Variants in AGBL1 observed in about 807,000 individuals in gnomAD.
AGBL1 encodes cytosolic carboxypeptidase 4.
Under a neutral mutation model 118.9 loss-of-function variants are expected in AGBL1, and 130 were observed. That is an observed-to-expected ratio of 1.09 (90% CI 0.95 to 1.26). AGBL1 has a LOEUF of 1.26. AGBL1 is among the 50% of genes most tolerant of loss of function. AGBL1 has a pLI of 0.00. For missense variants in AGBL1, 1,584 were observed against 1,298.1 expected, an observed-to-expected ratio of 1.22 and a Z score of -3.38; for synonymous variants, 555 against 478.9, an observed-to-expected ratio of 1.16 and a Z score of -2.08.
At chr15:86,451,619 T>A (rs1249009920) in intron 18 of AGBL1, among the ~76,000 whole-genome samples, 1 of 152,194 alleles carries the variant, frequency 6.6e-6, no homozygotes, top group Non-Finnish European at 1.5e-5. Context: ...GAAAACCCAG[T>A]TGCTGCTACC....
intron 1 of AGBL1, among the ~76,000 whole-genome samples, chr15:86,126,394 G>A (rs1269100596): frequency 3.3e-5 from 5 of 152,180 alleles, no homozygotes; most frequent in African/African-American, 1.2e-4. Flanking sequence ...TCTGAAGCAG[G>A]TGCAGTGTCC....
intron 21 of AGBL1, among the ~76,000 whole-genome samples, chr15:86,633,376 A>C (rs2085010132): frequency 6.6e-6 from 1 of 152,260 alleles, no homozygotes; most frequent in East Asian, 1.9e-4. Context: ...CCTGCTGCTA[A>C]GTTAAAAAAA....
intron 22 of AGBL1, among the ~76,000 whole-genome samples, chr15:86,807,318 AT>A (rs2078730137): frequency 6.6e-6 from 1 of 152,032 alleles, no homozygotes; most frequent in African/African-American, 2.4e-5. Flanking sequence ...TACAAATATT[AT>A]TTTTGTGGGT....
chr15:86,252,786 G>A (rs193204663), intron 7 of AGBL1, among the ~76,000 whole-genome samples: 6 of 152,298 alleles, frequency 3.9e-5, no homozygotes, highest in Middle Eastern at 3.4e-3. Context: ...CAACTAGGAC[G>A]TTTTGGAGGG....
At chr15:86,830,036 G>C (rs2079082684) in intron 22 of AGBL1, among the ~76,000 whole-genome samples, 1 of 151,940 alleles carries the variant, frequency 6.6e-6, no homozygotes, top group African/African-American at 2.4e-5. Context: ...TTACCACCAG[G>C]TATGATTCTT....
At chr15:86,091,059 G>C (rs1480957260) in intron 1 of AGBL1, among the ~76,000 whole-genome samples, 3 of 152,146 alleles carry the variant, frequency 2.0e-5, no homozygotes, top group Admixed American at 6.5e-5. Flanking sequence ...GGCCAAAGTT[G>C]ATTTTGGGTA....
At chr15:86,324,736 G>A (rs752036288) in intron 17 of AGBL1, among the ~76,000 whole-genome samples, 48 of 152,188 alleles carry the variant, frequency 3.2e-4, no homozygotes, top group Non-Finnish European at 5.7e-4. Flanking sequence ...AGGTAGAGTC[G>A]TAGTGGTAAA....
chr15:86,843,623 C>G (rs930824064), intron 22 of AGBL1, among the ~76,000 whole-genome samples: 124 of 152,158 alleles, frequency 8.1e-4, no homozygotes, highest in African/African-American at 2.7e-3. Flanking sequence ...ATGATTTCTC[C>G]TTTCAACCTT....
intron 18 of AGBL1, among the ~76,000 whole-genome samples, chr15:86,418,898 GC>G (rs1430278373): frequency 1.3e-5 from 2 of 152,058 alleles, no homozygotes; most frequent in African/African-American, 4.8e-5. Context: ...TTACATATGG[GC>G]CCAAATCATT....
At chr15:86,529,302 G>C (rs1170684213) in intron 19 of AGBL1, among the ~76,000 whole-genome samples, 1 of 135,046 alleles carries the variant, frequency 7.4e-6, no homozygotes, top group Non-Finnish European at 1.5e-5. Context: ...CGAGAACTAC[G>C]TGAAGAATGC....
chr15:86,127,809 C>T (rs548937548), intron 1 of AGBL1, among the ~76,000 whole-genome samples: 2 of 152,104 alleles, frequency 1.3e-5, no homozygotes, highest in Non-Finnish European at 2.9e-5. Context: ...GAGAGGTCCT[C>T]TGTATTTTTT....
At chr15:86,286,474 C>A (rs374811057) in intron 16 of AGBL1, among the ~76,000 whole-genome samples, 10 of 151,846 alleles carry the variant, frequency 6.6e-5, no homozygotes, top group African/African-American at 1.9e-4. Flanking sequence ...CCCTTGTTCC[C>A]GCTCCTCCAG....
At chr15:86,108,131 A>G (rs1235901118) in intron 1 of AGBL1, among the ~76,000 whole-genome samples, 4 of 152,240 alleles carry the variant, frequency 2.6e-5, no homozygotes, top group Admixed American at 2.6e-4. Context: ...TCTCGCTGCA[A>G]CCAGCAAATT....
intron 21 of AGBL1, among the ~76,000 whole-genome samples, chr15:86,567,208 T>C (rs947130640): frequency 6.6e-6 from 1 of 152,216 alleles, no homozygotes; most frequent in Non-Finnish European, 1.5e-5. Context: ...ATTAAGACTC[T>C]AAGCTTTTAT....
At chr15:86,222,147 C>A (rs1496882) in intron 5 of AGBL1, among the ~76,000 whole-genome samples, 83,159 of 151,836 alleles carry the variant, frequency 0.55, 23,039 homozygotes, top group South Asian at 0.73. Flanking sequence ...ATTTCCTCTC[C>A]GATATCACCT....
At chr15:86,439,480 G>A (rs1309718158) in intron 18 of AGBL1, among the ~76,000 whole-genome samples, 1 of 152,116 alleles carries the variant, frequency 6.6e-6, no homozygotes, top group Non-Finnish European at 1.5e-5. Flanking sequence ...TTTGAAGACA[G>A]TAGAAACAAT....
intron 18 of AGBL1, among the ~76,000 whole-genome samples, chr15:86,502,003 A>T (rs1049277629): frequency 7.3e-5 from 11 of 151,552 alleles, no homozygotes; most frequent in Non-Finnish European, 1.3e-4. Flanking sequence ...TATGATAGAG[A>T]TTGTGTTGAA....
chr15:86,146,264 A>G (rs1282987998), intron 3 of AGBL1, among the ~76,000 whole-genome samples: 1 of 152,244 alleles, frequency 6.6e-6, no homozygotes, highest in Non-Finnish European at 1.5e-5. Context: ...AACATGTACA[A>G]ACTTTTTTCT....
intron 17 of AGBL1, among the ~76,000 whole-genome samples, chr15:86,329,146 G>C (rs1245439944): frequency 6.6e-6 from 1 of 152,092 alleles, no homozygotes; most frequent in African/African-American, 2.4e-5. Context: ...ACTGGAACCA[G>C]TCTGCATGTA....
Sources: allele counts gnomAD v4.1 joint callset (sites outside exome capture counted in the v4.1 genomes callset), GRCh38; gene constraint gnomAD v4.1.1; transcripts MANE v1.5; gene names NCBI Gene and HGNC (gene_info 2026-07-23, HGNC 2026-07-21).